FOXP2: variants seen among roughly 807,000 people sequenced by gnomAD.
FOXP2 encodes the protein forkhead box protein P2.
In FOXP2, 12 loss-of-function variants were observed where a neutral mutation model predicts 115.8. That is an observed-to-expected ratio of 0.10 (90% CI 0.07 to 0.17). The LOEUF is 0.17. FOXP2 is among the 10% of genes least tolerant of loss of function. The probability of loss-of-function intolerance (pLI) is 1.00; values close to 1 mark genes in which losing one functional copy is unlikely to be tolerated. For missense variants in FOXP2, 629 were observed against 843.5 expected (o/e 0.75, Z 3.15); for synonymous variants, 328 against 297.7 (o/e 1.10, Z -1.05).
chr7:114,685,479 A>T (rs1808312041), intron 16 of FOXP2, among the ~76,000 whole-genome samples: 1 of 152,194 alleles, frequency 6.6e-6, no homozygotes, highest in Non-Finnish European at 1.5e-5. Context: ...TTCGTTAACT[A>T]TCAATGACAA....
intron 3 of FOXP2, among the ~76,000 whole-genome samples, chr7:114,575,270 A>C (rs1257280698): frequency 6.6e-6 from 1 of 151,844 alleles, no homozygotes; most frequent in Non-Finnish European, 1.5e-5. Context: ...AACCCTAAAA[A>C]GTACTTACCA....
intron 10 of FOXP2, 141 bp downstream of exon 10, chr7:114,654,150 G>C: frequency 6.5e-7 from 1 of 1,537,488 alleles, no homozygotes; most frequent in South Asian, 1.2e-5. Context: ...GTAATCGCTT[G>C]TCAAATTGTA....
intron 1 of FOXP2, among the ~76,000 whole-genome samples, chr7:114,220,204 A>G (rs989314522): frequency 1.1e-4 from 16 of 151,982 alleles, no homozygotes; most frequent in African/African-American, 3.9e-4. Context: ...CTTGATGGCT[A>G]GGCTTAGTTG....
intron 2 of FOXP2, among the ~76,000 whole-genome samples, chr7:114,493,425 T>C (rs775474639): frequency 6.6e-6 from 1 of 152,062 alleles, no homozygotes; most frequent in Non-Finnish European, 1.5e-5. Flanking sequence ...TGGGTGAGAA[T>C]GATATGTCAA....
At chr7:114,369,807 T>C (rs1052563646) in intron 2 of FOXP2, among the ~76,000 whole-genome samples, 1 of 152,170 alleles carries the variant, frequency 6.6e-6, no homozygotes, top group African/African-American at 2.4e-5. Flanking sequence ...TTTTATTATA[T>C]GCTTAATCGA....
chr7:114,327,921 T>A (rs1562872454), intron 2 of FOXP2, among the ~76,000 whole-genome samples: 1 of 151,812 alleles, frequency 6.6e-6, no homozygotes. Context: ...TCTTTTCTTT[T>A]CTTTTCTATT....
chr7:114,539,559 T>TA (rs200564460), intron 3 of FOXP2, among the ~76,000 whole-genome samples: 4 of 150,936 alleles, frequency 2.7e-5, no homozygotes, highest in Admixed American at 6.6e-5. Context: ...TTCTTGATCA[T>TA]AAAAAAAAAG....
At chr7:114,426,427 G>C in intron 1 of FOXP2, 75 bp from the exon 2 acceptor site, 1 of 1,360,088 alleles carries the variant, frequency 7.4e-7, no homozygotes, top group South Asian at 1.2e-5. Flanking sequence ...TCTGTAATTG[G>C]CAGAGAGGGA....
intron 3 of FOXP2, among the ~76,000 whole-genome samples, chr7:114,577,086 G>T (rs141809057): frequency 1.3e-5 from 2 of 151,860 alleles, no homozygotes; most frequent in Non-Finnish European, 2.9e-5. Context: ...CATTAGGTGA[G>T]TGAATTGTTT....
At chr7:114,196,976 G>C (rs976450064) in intron 1 of FOXP2, among the ~76,000 whole-genome samples, 1 of 152,098 alleles carries the variant, frequency 6.6e-6, no homozygotes, top group Non-Finnish European at 1.5e-5. Context: ...AGGATTACTT[G>C]AGCCCAGGAG....
chr7:114,614,704 T>C (rs1485327905), intron 3 of FOXP2, among the ~76,000 whole-genome samples: 1 of 152,098 alleles, frequency 6.6e-6, no homozygotes, highest in Non-Finnish European at 1.5e-5. Flanking sequence ...TAGATTCACA[T>C]AACAATTCAA....
At chr7:114,505,764 A>G (rs1797785357) in intron 2 of FOXP2, among the ~76,000 whole-genome samples, 1 of 151,574 alleles carries the variant, frequency 6.6e-6, no homozygotes, top group Admixed American at 6.6e-5. Flanking sequence ...GAAGGAGTCT[A>G]CAGTTACACC....
intron 2 of FOXP2, among the ~76,000 whole-genome samples, chr7:114,500,570 AATATCATTATCCAC>A (rs1271477657): frequency 3.9e-5 from 6 of 152,198 alleles, no homozygotes; most frequent in Non-Finnish European, 7.4e-5. Flanking sequence ...TCTTTTAAGA[AATATCATTATCCAC>A]AGCATTAAGC....
chr7:114,541,291 A>C (rs1033209124), intron 3 of FOXP2, among the ~76,000 whole-genome samples: 1 of 152,048 alleles, frequency 6.6e-6, no homozygotes, highest in Non-Finnish European at 1.5e-5. Context: ...TTTCTGAAAA[A>C]GGTAATTTGA....
chr7:114,315,332 G>T (rs1797250260), intron 2 of FOXP2, among the ~76,000 whole-genome samples: 1 of 152,150 alleles, frequency 6.6e-6, no homozygotes, highest in South Asian at 2.1e-4. Context: ...GGAGCATAAA[G>T]TTTAAATACT....
At chr7:114,206,494 T>G (rs2129160779) in intron 1 of FOXP2, among the ~76,000 whole-genome samples, 1 of 152,240 alleles carries the variant, frequency 6.6e-6, no homozygotes, top group East Asian at 1.9e-4. Context: ...TTCTTATTAT[T>G]TAGATCAAAT....
At chr7:114,343,501 A>G (rs775176294) in intron 2 of FOXP2, among the ~76,000 whole-genome samples, 5 of 151,584 alleles carry the variant, frequency 3.3e-5, no homozygotes, top group Non-Finnish European at 3.0e-5. Context: ...GTACTATTAA[A>G]TTCTCTACTT....
rs543811999 is a variant in FOXP2, at chr7:114,690,148, G to GA, written c.*229dup. On this transcript the variant is annotated 3_prime_UTR_variant, in exon 17 of 17. Coordinates refer to ENST00000350908, the MANE Select transcript of FOXP2 (RefSeq NM_014491.4). ...CTTCTTCTTTTTTTTTTTTTTTTTAGAAAAAAAGACAAAAACTGATTTTCT... is the reference window on the plus strand; with the variant it reads ...CTTCTTCTTTTTTTTTTTTTTTTTAGAAAAAAAAGACAAAAACTGATTTTCT... 6,262 of 438,390 alleles carry GA rather than the reference G, an allele frequency of 0.014. 79 individuals are homozygous for GA. The highest frequency in any genetic ancestry group is 0.03 in the South Asian group (1,516 of 50,094). 27.2% of individuals were successfully genotyped at this position (438,390 alleles called of 1,614,324 possible).
intron 1 of FOXP2, among the ~76,000 whole-genome samples, chr7:114,202,862 A>G (rs922420560): frequency 7.2e-5 from 11 of 152,190 alleles, no homozygotes; most frequent in African/African-American, 2.7e-4. Flanking sequence ...TTTTATTACT[A>G]TTTAATAGAT....
Sources: gnomAD v4.1 joint callset for allele counts (sites outside exome capture counted in the v4.1 genomes callset) on GRCh38, gnomAD v4.1.1 for gene constraint, MANE v1.5 for transcripts, NCBI Gene and HGNC (gene_info 2026-07-23, HGNC 2026-07-21) for gene names.